PCDHA5: variants seen among roughly 807,000 people sequenced by gnomAD.
PCDHA5 encodes protocadherin alpha 5, also known as protocadherin alpha-5.
A neutral mutation model predicts 61.6 loss-of-function variants in PCDHA5; 43 were observed. The ratio of observed to expected loss-of-function variants is 0.70; its 90% CI spans 0.55 to 0.90. PCDHA5 has a LOEUF of 0.90. Ranked by LOEUF, PCDHA5 falls within the 40% of genes least tolerant of loss-of-function variation. PCDHA5 has a pLI of 0.00. For synonymous variants in PCDHA5, 627 were observed against 543.9 expected (o/e 1.15, Z -2.13); for missense variants, 1,298 against 1,222.7 (o/e 1.06, Z -0.92).
chr5:140,843,626 C>T, intron 1 of PCDHA5: 1 of 1,596,058 alleles, frequency 6.3e-7, no homozygotes, highest in East Asian at 2.2e-5. Context: ...GAAGACGGAC[C>T]TCATGGCCTT....
chr5:140,877,361 A>G, intron 1 of PCDHA5: 6 of 1,613,976 alleles, frequency 3.7e-6, no homozygotes, highest in Non-Finnish European at 5.1e-6. Context: ...TACACTGGCG[A>G]GATCAGCACG....
chr5:141,002,146 CT>C (rs2098061512), intron 3 of PCDHA5, among the ~76,000 whole-genome samples: 1 of 152,250 alleles, frequency 6.6e-6, no homozygotes, highest in Admixed American at 6.5e-5. Flanking sequence ...GCTGCACTGA[CT>C]TAGCAGAGTG....
intron 1 of PCDHA5, among the ~76,000 whole-genome samples, chr5:140,952,473 A>C (rs1262702527): frequency 6.6e-6 from 1 of 152,210 alleles, no homozygotes; most frequent in Non-Finnish European, 1.5e-5. Flanking sequence ...GCATAAGGAA[A>C]GTGACATTTG....
chr5:140,905,248 C>A (rs143714633), intron 1 of PCDHA5, among the ~76,000 whole-genome samples: 43 of 152,208 alleles, frequency 2.8e-4, no homozygotes, highest in African/African-American at 8.7e-4. Context: ...TTCATTCTTC[C>A]ACATGAGGCT....
intron 1 of PCDHA5, chr5:140,860,177 G>A (rs1218765460): frequency 6.7e-6 from 1 of 148,372 alleles, no homozygotes; most frequent in Admixed American, 6.7e-5. Flanking sequence ...ATATATATAT[G>A]ATGGGCTCTC....
Position 140,861,518 on chromosome 5 carries a change from G to A in PCDHA5, c.2352+37391G>A, listed in dbSNP as rs560386977. The A allele has an allele frequency of 1.0e-3, 481 of 461,708 alleles. 1 individual carries two copies. Among genetic ancestry groups the A allele is most frequent in the African/African-American group, 8.4e-3 (422 of 50,046 alleles). The allele number at this position is 461,708 out of a possible 1,614,324, so 28.6% of individuals were successfully genotyped here. A position where few individuals can be genotyped will look rare whatever the true frequency, so the allele number is the denominator to read the frequency against. On this transcript the variant is annotated intron_variant, in intron 1 of 3. Transcript: ENST00000529859. The stretch of plus-strand genomic sequence containing the variant: ...TGATAGACCTCGAGGAGCTGTGTGG[G>A]AGGATCTCGGAGTGCAGCATCCACC...
intron 1 of PCDHA5, 137 bp downstream of exon 1, chr5:140,824,264 C>T (rs2150133767): frequency 7.8e-7 from 1 of 1,285,750 alleles, no homozygotes; most frequent in South Asian, 1.3e-5. Context: ...TGCACTAATT[C>T]ATGTATTATA....
In PCDHA5 at chr5:140,829,580, C is replaced by T. The variant is rs1481552888; in HGVS notation, c.2352+5453C>T. ...GCTGGTGTCCTACTCGCTGGTGGAG[C>T]GGCGGGTGGGCGAGCGCGCGTTGTC... On this transcript the variant is annotated intron_variant, in intron 1 of 3. Coordinates refer to ENST00000529859, the MANE Select transcript of PCDHA5 (RefSeq NM_018908.3). 4 of 1,612,184 alleles carry T rather than the reference C, an allele frequency of 2.5e-6. No homozygotes were observed. In the African/African-American group the frequency reaches 4.0e-5, roughly 16 times the overall value.
chr5:140,884,460 C>A (rs782410675), intron 1 of PCDHA5: 72 of 1,613,614 alleles, frequency 4.5e-5, no homozygotes, highest in Non-Finnish European at 5.8e-5. Context: ...ACCGAGGGCG[C>A]GTGCGCGCCG....
rs2150354219 is a variant in PCDHA5 at position 140,843,163 on chromosome 5, T to G, written c.2352+19036T>G. On this transcript the variant is annotated intron_variant, in intron 1 of 3. Coordinates refer to ENST00000529859, the MANE Select transcript of PCDHA5 (RefSeq NM_018908.3). ...GGCTTTCGTATGAGCTGCAGCCAGCTGCAAGCAGCCCTCGCATCCCGTTCC... is the reference window on the plus strand; with the variant it reads ...GGCTTTCGTATGAGCTGCAGCCAGCGGCAAGCAGCCCTCGCATCCCGTTCC... 3.6e-5 allele frequency: 58 copies of G among 1,595,956 alleles called. 4 individuals carry two copies. The South Asian group carries it at 6.1e-4, about 17-fold the overall frequency.
intron 1 of PCDHA5, chr5:140,927,638 G>A (rs781909639): frequency 1.2e-6 from 2 of 1,614,142 alleles, no homozygotes; most frequent in Admixed American, 1.7e-5. Context: ...GCACCCAATG[G>A]GACTGTGTTA....
At chr5:140,848,219 T>A in intron 1 of PCDHA5, 1 of 368,880 alleles carries the variant, frequency 2.7e-6, no homozygotes, top group Non-Finnish European at 4.9e-6. Flanking sequence ...TAAGAAAAAA[T>A]TAAGAAAATG....
intron 1 of PCDHA5, chr5:140,966,646 G>A: frequency 1.8e-6 from 2 of 1,139,684 alleles, no homozygotes; most frequent in Non-Finnish European, 2.3e-6. Flanking sequence ...TTTCTAGAGC[G>A]TGAGCGGTGG....
chr5:140,987,266 C>T (rs2097244603), intron 3 of PCDHA5, among the ~76,000 whole-genome samples: 1 of 151,752 alleles, frequency 6.6e-6, no homozygotes, highest in African/African-American at 2.4e-5. Context: ...AGGAATGGGA[C>T]CCGGCAGTCT....
At chr5:140,900,626 T>C (rs958637463) in intron 1 of PCDHA5, among the ~76,000 whole-genome samples, 6 of 152,230 alleles carry the variant, frequency 3.9e-5, no homozygotes, top group Non-Finnish European at 7.3e-5. Flanking sequence ...TGCTTCCAAA[T>C]CTTGGCTATT....
chr5:140,891,311 T>C (rs563637309), intron 1 of PCDHA5, among the ~76,000 whole-genome samples: 1 of 152,216 alleles, frequency 6.6e-6, no homozygotes, highest in African/African-American at 2.4e-5. Context: ...ATTACATGAG[T>C]AAGTTCTTTG....
chr5:140,941,175 C>T (rs1344326389), intron 1 of PCDHA5, among the ~76,000 whole-genome samples: 1 of 145,416 alleles, frequency 6.9e-6, no homozygotes, highest in Admixed American at 6.8e-5. Context: ...CCATCTTGAA[C>T]ATCCTGCTTC....
chr5:140,825,239 A>G (rs913025032), intron 1 of PCDHA5: 3 of 151,408 alleles, frequency 2.0e-5, no homozygotes, highest in Non-Finnish European at 4.4e-5. Context: ...ATCTGGATCT[A>G]TGGTGTTCCA....
rs1778917220 is a variant in PCDHA5 at position 140,843,490 on chromosome 5, C to T, written c.2352+19363C>T. 14 of 1,596,024 alleles carry T rather than the reference C, an allele frequency of 8.8e-6. 1 individual carries two copies. The highest frequency in any genetic ancestry group is 2.2e-5 in the East Asian group (1 of 44,822). On this transcript the variant is annotated intron_variant, in intron 1 of 3. Coordinates refer to ENST00000529859, the MANE Select transcript of PCDHA5 (RefSeq NM_018908.3). ...TGCTGCTGTACACTGCGCTGCGGTG[C>T]TCAGCACTGCCCACTGAGGGCGGGT...
Sources: gnomAD v4.1 joint callset for allele counts (sites outside exome capture counted in the v4.1 genomes callset) on GRCh38, gnomAD v4.1.1 for gene constraint, MANE v1.5 for transcripts, NCBI Gene and HGNC (gene_info 2026-07-23, HGNC 2026-07-21) for gene names.